Variants in CA8 observed in about 807,000 individuals in gnomAD.
CA8 encodes the protein carbonic anhydrase-related protein.
In CA8, 22 loss-of-function variants were observed where a neutral mutation model predicts 41.4. The ratio of observed to expected loss-of-function variants is 0.53; its 90% CI spans 0.38 to 0.76. The LOEUF (loss-of-function observed/expected upper bound fraction) is 0.76. Ranked by LOEUF, CA8 falls within the 30% of genes least tolerant of loss-of-function variation. CA8 has a pLI of 0.00. For missense variants in CA8, 270 were observed against 352.8 expected, an observed-to-expected ratio of 0.77 and a Z score of 1.88; for synonymous variants, 121 against 130.6, an observed-to-expected ratio of 0.93 and a Z score of 0.50.
intron 3 of CA8, among the ~76,000 whole-genome samples, chr8:60,259,682 T>G (rs1003307916): frequency 3.9e-5 from 6 of 152,156 alleles, no homozygotes; most frequent in Admixed American, 2.0e-4. Context: ...AAACCATGAT[T>G]TTTATGAAGT....
chr8:60,266,160 T>A, intron 2 of CA8, 111 bp from the exon 3 acceptor site: 2 of 989,952 alleles, frequency 2.0e-6, no homozygotes, highest in Non-Finnish European at 1.5e-6. Context: ...CTCTACAGAT[T>A]AAATTCACAA....
intron 8 of CA8, among the ~76,000 whole-genome samples, chr8:60,193,501 A>G (rs1017931195): frequency 6.6e-6 from 1 of 152,156 alleles, no homozygotes; most frequent in Non-Finnish European, 1.5e-5. Flanking sequence ...TGGGAAATAA[A>G]TTTGTGGTGG....
intron 2 of CA8, among the ~76,000 whole-genome samples, chr8:60,278,200 G>C (rs1279024432): frequency 6.6e-6 from 1 of 152,162 alleles, no homozygotes; most frequent in Non-Finnish European, 1.5e-5. Flanking sequence ...AGCAGGACTA[G>C]GCACACACAG....
intron 3 of CA8, among the ~76,000 whole-genome samples, chr8:60,251,443 T>A (rs1808442543): frequency 6.6e-6 from 1 of 152,228 alleles, no homozygotes; most frequent in Non-Finnish European, 1.5e-5. Context: ...CATAAAAACC[T>A]CAACCACTCA....
At chr8:60,209,351 G>A (rs1325350061) in intron 7 of CA8, among the ~76,000 whole-genome samples, 1 of 152,082 alleles carries the variant, frequency 6.6e-6, no homozygotes, top group Non-Finnish European at 1.5e-5. Flanking sequence ...AGGCTTGGTG[G>A]TGCACACCTG....
In CA8 at chr8:60,186,099, A is replaced by G. The variant is rs1370084188; in HGVS notation, c.*3922T>C. Among the ~76,000 whole-genome samples, 1 of 152,136 alleles carries G rather than the reference A, an allele frequency of 6.6e-6. No individual in the cohort carries two copies. The highest frequency in any genetic ancestry group is 1.9e-4 in the East Asian group (1 of 5,202). On this transcript the variant is annotated 3_prime_UTR_variant, in exon 9 of 9. Coordinates refer to ENST00000317995, the MANE Select transcript of CA8 (RefSeq NM_004056.6). ...TTTACAAGACAAAATGAACATAACCAGAAATGGTAAATTAAAAGCTTACTA... is the reference window on the plus strand; with the variant it reads ...TTTACAAGACAAAATGAACATAACCGGAAATGGTAAATTAAAAGCTTACTA...
chr8:60,197,660 G>C (rs979145948), intron 8 of CA8, among the ~76,000 whole-genome samples: 1 of 152,152 alleles, frequency 6.6e-6, no homozygotes, highest in African/African-American at 2.4e-5. Flanking sequence ...CCAGTGCTGG[G>C]GATGCTATCA....
intron 3 of CA8, among the ~76,000 whole-genome samples, chr8:60,248,319 C>A (rs1808322473): frequency 6.6e-6 from 1 of 152,180 alleles, no homozygotes; most frequent in Admixed American, 6.5e-5. Flanking sequence ...GTCACGAAAT[C>A]TTTGCCCATG....
chr8:60,245,765 A>C (rs1808207632), intron 3 of CA8, among the ~76,000 whole-genome samples: 1 of 152,194 alleles, frequency 6.6e-6, no homozygotes. Flanking sequence ...GGTTTTCAAA[A>C]AGGTCAATTA....
intron 2 of CA8, among the ~76,000 whole-genome samples, chr8:60,278,323 A>G (rs1009050880): frequency 2.0e-5 from 3 of 152,246 alleles, no homozygotes; most frequent in Admixed American, 6.5e-5. Flanking sequence ...TCACTAGGCT[A>G]TGAATCCTCA....
At chr8:60,195,371 C>CA (rs1451309687) in intron 8 of CA8, among the ~76,000 whole-genome samples, 6 of 152,230 alleles carry the variant, frequency 3.9e-5, no homozygotes, top group African/African-American at 1.2e-4. Flanking sequence ...GAAAAGCTAC[C>CA]AAAAATTTAA....
chr8:60,207,719 T>C (rs1340497592), intron 8 of CA8, among the ~76,000 whole-genome samples: 1 of 152,212 alleles, frequency 6.6e-6, no homozygotes, highest in Non-Finnish European at 1.5e-5. Context: ...TCCGCATCTA[T>C]CACCCTGGCT....
At chr8:60,229,233 C>T (rs1350783549) in intron 4 of CA8, among the ~76,000 whole-genome samples, 1 of 151,932 alleles carries the variant, frequency 6.6e-6, no homozygotes, top group Non-Finnish European at 1.5e-5. Context: ...CAGAACAACT[C>T]TGCATTTCTG....
At chr8:60,230,853 G>GA (rs1807623258) in intron 4 of CA8, among the ~76,000 whole-genome samples, 1 of 152,162 alleles carries the variant, frequency 6.6e-6, no homozygotes, top group Non-Finnish European at 1.5e-5. Flanking sequence ...TAAATGCTAA[G>GA]AATCAGGAAG....
intron 7 of CA8, among the ~76,000 whole-genome samples, chr8:60,220,933 T>C (rs1185850723): frequency 6.6e-6 from 1 of 152,168 alleles, no homozygotes; most frequent in Non-Finnish European, 1.5e-5. Flanking sequence ...ACAGTGAAGA[T>C]GGAAGTGTTT....
intron 3 of CA8, among the ~76,000 whole-genome samples, chr8:60,257,264 C>T (rs1585913465): frequency 6.6e-6 from 1 of 152,132 alleles, no homozygotes; most frequent in South Asian, 2.1e-4. Context: ...AAGCGTGAGC[C>T]ACTGGCGCCC....
intron 4 of CA8, among the ~76,000 whole-genome samples, chr8:60,230,919 A>G (rs912038437): frequency 1.5e-4 from 23 of 152,286 alleles, no homozygotes; most frequent in African/African-American, 5.1e-4. Flanking sequence ...TTGAGTACCA[A>G]TTCCAAAGAT....
intron 8 of CA8, among the ~76,000 whole-genome samples, chr8:60,195,904 C>A (rs959462942): frequency 1.5e-4 from 23 of 152,098 alleles, no homozygotes; most frequent in Admixed American, 1.3e-3. Flanking sequence ...GTGTCAAACA[C>A]TTTTGAAGAG....
At chr8:60,217,495 C>T (rs1201137179) in intron 7 of CA8, among the ~76,000 whole-genome samples, 3 of 152,192 alleles carry the variant, frequency 2.0e-5, no homozygotes, top group African/African-American at 4.8e-5. Flanking sequence ...TTACAGTGCA[C>T]ATCCCTGGTT....
Sources: gnomAD v4.1 joint callset for allele counts (sites outside exome capture counted in the v4.1 genomes callset) on GRCh38, gnomAD v4.1.1 for gene constraint, MANE v1.5 for transcripts, NCBI Gene and HGNC (gene_info 2026-07-23, HGNC 2026-07-21) for gene names.